The following CLIP1 variants were observed in gnomAD, a reference collection of about 807,000 sequenced individuals.
The protein encoded by CLIP1 is CAP-Gly domain-containing linker protein 1.
In CLIP1, 66 loss-of-function variants were observed where a neutral mutation model predicts 161.6. That is an observed-to-expected ratio of 0.41 (90% CI 0.33 to 0.50). The LOEUF is 0.50. Ranked by LOEUF, CLIP1 falls within the 20% of genes least tolerant of loss-of-function variation. CLIP1 has a pLI of 0.27. For missense variants in CLIP1, 1,376 were observed against 1,702.0 expected, an observed-to-expected ratio of 0.81 and a Z score of 3.37; for synonymous variants, 598 against 626.2, an observed-to-expected ratio of 0.96 and a Z score of 0.67.
chr12:122,389,483 G>A (rs1017877883), intron 1 of CLIP1, among the ~76,000 whole-genome samples: 1 of 152,118 alleles, frequency 6.6e-6, no homozygotes, highest in Non-Finnish European at 1.5e-5. Flanking sequence ...AAAGGGCCGG[G>A]TGCGGTGGCT....
At chr12:122,379,644 T>G (rs925803936) in intron 2 of CLIP1, among the ~76,000 whole-genome samples, 1 of 147,440 alleles carries the variant, frequency 6.8e-6, no homozygotes, top group Non-Finnish European at 1.5e-5. Context: ...TTTACGTCTT[T>G]CAATTAAAAA....
intron 10 of CLIP1, among the ~76,000 whole-genome samples, chr12:122,345,034 C>T (rs764104743): frequency 2.0e-4 from 30 of 151,592 alleles, no homozygotes; most frequent in South Asian, 2.1e-4. Context: ...AACTAAGATA[C>T]GGGAGAGGAG....
Position 122,334,724 on chromosome 12 carries a change from A to T in CLIP1, c.2569-19T>A, listed in dbSNP as rs910028397. 2 of 1,487,298 alleles carry T rather than the reference A, an allele frequency of 1.3e-6. No homozygotes were observed. The highest frequency in any genetic ancestry group is 2.8e-5 in the African/African-American group (2 of 72,368). 92.1% of individuals were successfully genotyped at this position (1,487,298 alleles called of 1,614,324 possible). On this transcript the variant is annotated intron_variant, in intron 12 of 25. Coordinates refer to ENST00000620786, the MANE Select transcript of CLIP1 (RefSeq NM_001247997.2). ...TTTCTTTCTAAAGAAAAAGAATGAG[A>T]GATTCTGAACAGAAAGATTTCAAAT... is the stretch of plus-strand genomic sequence containing the variant.
chr12:122,326,696 C>T (rs60767309), intron 17 of CLIP1, among the ~76,000 whole-genome samples: 4,988 of 151,968 alleles, frequency 0.033, 308 homozygotes, highest in African/African-American at 0.11. Flanking sequence ...AAACAACAAC[C>T]GAGGAGACCT....
rs139071395 is a variant in CLIP1 at position 122,418,278 on chromosome 12, CCA to C, written c.-107+4241_-107+4242del. 9.0e-3 allele frequency among the ~76,000 whole-genome samples: 1,362 copies of C among 152,124 alleles called. 21 individuals carry two copies. Among genetic ancestry groups the C allele is most frequent in the African/African-American group, 0.031 (1,298 of 41,516 alleles). The stretch of plus-strand genomic sequence containing the variant: ...ATACCAAATGAGATCTAATTACAGC[CCA>C]CAGATAGGTATACCATAGCTCATCA... On this transcript the variant is annotated intron_variant, in intron 1 of 25. Coordinates refer to ENST00000620786, the MANE Select transcript of CLIP1 (RefSeq NM_001247997.2).
In CLIP1 at chr12:122,377,564, G is replaced by A. The variant is rs769955799; in HGVS notation, c.482C>T (p.Pro161Leu). Reference protein sequence around the residue: ...TSTASMVSSSPSTPSNIPQKP... With the variant: ...TSTASMVSSSLSTPSNIPQKP... Reference sequence around the variant, plus strand: ...CTGAGGGATGTTTGAAGGGGTGGAGGGGGAGGAAGACACCATGCTGGCCGT... The same window carrying A: ...CTGAGGGATGTTTGAAGGGGTGGAGAGGGAGGAAGACACCATGCTGGCCGT... Residue 161 changes from proline to leucine, a missense_variant, in exon 3 of 26, where the codon CCC (proline) becomes CTC (leucine). Physicochemically the swap from Pro to Leu is moderately conservative, Grantham distance 98. Transcript: ENST00000620786. 3 of 1,613,846 alleles carry A rather than the reference G, an allele frequency of 1.9e-6. No individual in the cohort carries two copies. The highest frequency in any genetic ancestry group is 1.1e-5 in the South Asian group (1 of 91,072).
chr12:122,310,841 T>G (rs1951036090), intron 19 of CLIP1, among the ~76,000 whole-genome samples: 1 of 152,232 alleles, frequency 6.6e-6, no homozygotes, highest in Admixed American at 6.5e-5. Flanking sequence ...ACATCTATTT[T>G]TAACTTCAAT....
intron 23 of CLIP1, chr12:122,278,427 G>A (rs1003775912): frequency 5.2e-6 from 3 of 575,900 alleles, no homozygotes; most frequent in Admixed American, 3.2e-5. Context: ...TCTCCCTCAG[G>A]CCTGCTAACT....
chr12:122,325,379 A>G (rs1430352605), intron 17 of CLIP1, among the ~76,000 whole-genome samples: 1 of 151,882 alleles, frequency 6.6e-6, no homozygotes, highest in African/African-American at 2.4e-5. Flanking sequence ...TCTTATTTGC[A>G]CTCCCATCAT....
At chr12:122,409,687 A>C in intron 1 of CLIP1, among the ~76,000 whole-genome samples, 1 of 149,374 alleles carries the variant, frequency 6.7e-6, no homozygotes, top group South Asian at 2.1e-4. Flanking sequence ...CCCTGCCACC[A>C]CCCCCAGCTA....
Position 122,323,658 on chromosome 12 carries a change from T to G in CLIP1, c.3249+4289A>C, listed in dbSNP as rs1462104174. On this transcript the variant is annotated intron_variant, in intron 17 of 25. Coordinates refer to ENST00000620786, the MANE Select transcript of CLIP1 (RefSeq NM_001247997.2). This position sits in a 1 kb window ranked among gnomAD's most constrained non-coding sequence, Gnocchi z 4.1. ...ATGTCCGTCTCTAACTGCAGATTTCTGTTGTTCTGAAGAACATTATCTCGT... is the reference window on the plus strand; with the variant it reads ...ATGTCCGTCTCTAACTGCAGATTTCGGTTGTTCTGAAGAACATTATCTCGT... 1 of 152,708 alleles carries G rather than the reference T, an allele frequency of 6.5e-6. No homozygotes were observed. The highest frequency in any genetic ancestry group is 1.5e-5 in the Non-Finnish European group (1 of 68,066). The allele number at this position is 152,708 out of a possible 1,614,324, so 9.5% of individuals were successfully genotyped here.
chr12:122,278,807 G>GC lies in CLIP1; in HGVS notation c.3900dup (p.Leu1301AlafsTer7). ...CGCCCTTTACCTGAGGAGCTGCTGA[G>GC]CTGCCTCTTGTTTTCTTTGAGTTGA... On this transcript the variant is annotated frameshift_variant, in exon 23 of 26. Transcript: ENST00000620786. LOFTEE classifies it high-confidence loss of function. The GC allele has an allele frequency of 6.2e-7, 1 of 1,603,300 alleles. No individual in the cohort carries two copies. Among genetic ancestry groups the GC allele is most frequent in the Non-Finnish European group, 8.5e-7 (1 of 1,175,488 alleles).
intron 10 of CLIP1, chr12:122,343,329 C>CAT (rs1298548792): frequency 2.0e-5 from 3 of 152,078 alleles, no homozygotes; most frequent in African/African-American, 7.3e-5. Context: ...GACGGGGTTT[C>CAT]ACTATGTTGG....
chr12:122,420,272 T>C (rs1041790190), intron 1 of CLIP1, among the ~76,000 whole-genome samples: 1 of 150,630 alleles, frequency 6.6e-6, no homozygotes, highest in Non-Finnish European at 1.5e-5. Flanking sequence ...TTGAACCCAG[T>C]AGGCAGAGGT....
Position 122,332,885 on chromosome 12 carries a change from C to G in CLIP1, c.2867+102G>C, listed in dbSNP as rs189963506. ...AACAGAAAAGAACAGAGACGGGAAA[C>G]TTTAAAACGTAACAATCCTAAACAT... On this transcript the variant is annotated intron_variant, in intron 15 of 25. Coordinates refer to ENST00000620786, the MANE Select transcript of CLIP1 (RefSeq NM_001247997.2). 556 of 924,694 alleles carry G rather than the reference C, an allele frequency of 6.0e-4. 1 individual carries two copies. In the African/African-American group the frequency reaches 7.7e-3, roughly 13 times the overall value. 57.3% of individuals were successfully genotyped at this position (924,694 alleles called of 1,614,324 possible).
intron 3 of CLIP1, among the ~76,000 whole-genome samples, chr12:122,376,399 T>G (rs1241771906): frequency 1.3e-5 from 2 of 151,808 alleles, no homozygotes; most frequent in African/African-American, 2.4e-5. Flanking sequence ...TAGTGGTGAG[T>G]GTTTCTGCCT....
At chr12:122,349,101 C>T (rs778436609) in intron 9 of CLIP1, among the ~76,000 whole-genome samples, 1 of 152,114 alleles carries the variant, frequency 6.6e-6, no homozygotes, top group East Asian at 1.9e-4. Context: ...TCTGTATGTG[C>T]CTTGGATGGA....
At chr12:122,371,703 G>C (rs1317899603) in intron 3 of CLIP1, among the ~76,000 whole-genome samples, 24 of 152,184 alleles carry the variant, frequency 1.6e-4, no homozygotes, top group Admixed American at 1.6e-3. Flanking sequence ...GATGGACAGT[G>C]AGACCAGAGG....
chr12:122,390,657 T>C (rs1051394951), intron 1 of CLIP1, among the ~76,000 whole-genome samples: 9 of 152,044 alleles, frequency 5.9e-5, no homozygotes, highest in African/African-American at 1.9e-4. Flanking sequence ...CAAACTATAA[T>C]GTGACAAAAT....
Sources: gnomAD v4.1 joint callset for allele counts (sites outside exome capture counted in the v4.1 genomes callset) on GRCh38, gnomAD v4.1.1 for gene constraint, Gnocchi (gnomAD v3.1) non-coding constraint, MANE v1.5 for transcripts, NCBI Gene and HGNC (gene_info 2026-07-23, HGNC 2026-07-21) for gene names.